The following GRIA3 variants were observed in gnomAD, a reference collection of about 807,000 sequenced individuals.
The protein encoded by GRIA3 is glutamate ionotropic receptor AMPA type subunit 3.
In GRIA3, 3 loss-of-function variants were observed where a neutral mutation model predicts 63.0. The observed-to-expected ratio is 0.05, with a 90% CI of 0.02 to 0.12. GRIA3 has a LOEUF of 0.12. Ranked by LOEUF, GRIA3 falls within the 10% of genes least tolerant of loss-of-function variation. GRIA3 has a pLI of 1.00. For synonymous variants in GRIA3, 274 were observed against 257.9 expected (o/e 1.06, Z -0.60); for missense variants, 347 against 700.9 (o/e 0.50, Z 5.70).
At chrX:123,442,106 T>C (rs137972674) in intron 12 of GRIA3, among the ~76,000 whole-genome samples, 170 of 112,286 alleles carry the variant, frequency 1.5e-3, no homozygotes, top group Non-Finnish European at 2.5e-3. Context: ...GGACAGGTAC[T>C]TGAAGGACAC....
At chrX:123,447,720 T>A (rs1046839315) in intron 12 of GRIA3, among the ~76,000 whole-genome samples, 9 of 112,153 alleles carry the variant, frequency 8.0e-5, no homozygotes, top group South Asian at 3.7e-4. Flanking sequence ...TTGGCTCAAG[T>A]CCCTGGTTAC....
In GRIA3 at chrX:123,471,672, T is replaced by C. The variant is rs149322654; in HGVS notation, c.2324+6560T>C. ...TTCCTTTCATTTGAAGAGAAGGTTA[T>C]ACACAATCTCTGAAAGGTAGGACAG... On this transcript the variant is annotated intron_variant, in intron 13 of 15. Coordinates refer to ENST00000620443, the MANE Select transcript of GRIA3 (RefSeq NM_007325.5). Among the ~76,000 whole-genome samples, 123 of 110,864 alleles carry C rather than the reference T, an allele frequency of 1.1e-3. 1 individual carries two copies. Among genetic ancestry groups the C allele is most frequent in the African/African-American group, 3.9e-3 (119 of 30,522 alleles).
chrX:123,220,471 G>T (rs534091245), intron 2 of GRIA3, among the ~76,000 whole-genome samples: 25 of 112,004 alleles, frequency 2.2e-4, no homozygotes, highest in African/African-American at 7.1e-4. Context: ...TTGTGATACA[G>T]GTAAATTATA....
intron 2 of GRIA3, among the ~76,000 whole-genome samples, chrX:123,225,222 T>C (rs2044240095): frequency 8.9e-6 from 1 of 111,976 alleles, no homozygotes; most frequent in Admixed American, 9.5e-5. Flanking sequence ...ACAATAGTGT[T>C]GCAAGTAAAT....
intron 2 of GRIA3, among the ~76,000 whole-genome samples, chrX:123,234,251 C>A (rs912486373): frequency 1.4e-4 from 16 of 111,146 alleles, no homozygotes; most frequent in African/African-American, 5.2e-4. Context: ...CTTAAGCAGG[C>A]CACAGAATTT....
At chrX:123,194,725 T>C (rs1238381826) in intron 2 of GRIA3, among the ~76,000 whole-genome samples, 2 of 112,372 alleles carry the variant, frequency 1.8e-5, no homozygotes, top group Non-Finnish European at 3.8e-5. Context: ...TACTAACGCA[T>C]ACTCAGTTTA....
intron 12 of GRIA3, among the ~76,000 whole-genome samples, chrX:123,449,917 C>G (rs894264385): frequency 3.6e-5 from 4 of 111,732 alleles, no homozygotes; most frequent in Non-Finnish European, 5.6e-5. Context: ...TGCCTGCCTG[C>G]CCCAAGACCT....
chrX:123,192,339 G>A (rs901008127), intron 2 of GRIA3, among the ~76,000 whole-genome samples: 3 of 111,620 alleles, frequency 2.7e-5, no homozygotes, highest in Non-Finnish European at 5.7e-5. Context: ...GAGAGGATAA[G>A]GGTGGGAGAG....
chrX:123,482,788 A>T lies in GRIA3; in HGVS notation c.2440-11A>T. On this transcript the variant is annotated splice_polypyrimidine_tract_variant and intron_variant, in intron 14 of 15. Coordinates refer to ENST00000620443, the MANE Select transcript of GRIA3 (RefSeq NM_007325.5). ...TCCCCAAGATCTAATCACGTTGTTC[A>T]TTTCTCTTAGGACAAGACCAGCGCT... 8.3e-7 allele frequency: 1 copy of T among 1,210,339 alleles called. No individual in the cohort carries two copies. The highest frequency in any genetic ancestry group is 1.7e-5 in the African/African-American group (1 of 57,797).
At chrX:123,236,936 A>G (rs1461250359) in intron 2 of GRIA3, among the ~76,000 whole-genome samples, 1 of 111,892 alleles carries the variant, frequency 8.9e-6, no homozygotes, top group Non-Finnish European at 1.9e-5. Flanking sequence ...ATTTACACAC[A>G]TGAGGCAAGC....
chrX:123,456,580 C>T (rs749917620), intron 12 of GRIA3, among the ~76,000 whole-genome samples: 2 of 110,670 alleles, frequency 1.8e-5, no homozygotes, highest in East Asian at 5.7e-4. Flanking sequence ...ACACCTTACC[C>T]CTCCCTTATA....
rs369617259 is a variant in GRIA3 at position 123,269,636 on chromosome X, G to A, written c.508+16094G>A. 3.5e-4 allele frequency among the ~76,000 whole-genome samples: 39 copies of A among 111,967 alleles called. 1 individual carries two copies. The East Asian group carries it at 9.3e-3, about 27-fold the overall frequency. On this transcript the variant is annotated intron_variant, in intron 3 of 15. Transcript: ENST00000620443. ...ACAACGTCTCTCAGACATCTCTGTG[G>A]TTTAGGCAAGTGTAGAAGGCCTCGG...
At chrX:123,405,343 G>A (rs756367368) in intron 10 of GRIA3, among the ~76,000 whole-genome samples, 4 of 110,949 alleles carry the variant, frequency 3.6e-5, no homozygotes, top group Non-Finnish European at 7.6e-5. Flanking sequence ...CTCAAATCTA[G>A]ACACACTCTT....
At chrX:123,234,356 T>A (rs2044291471) in intron 2 of GRIA3, among the ~76,000 whole-genome samples, 1 of 112,007 alleles carries the variant, frequency 8.9e-6, no homozygotes, top group East Asian at 2.8e-4. Flanking sequence ...CTTATGCCAC[T>A]CTCTAAAGCT....
In GRIA3 at chrX:123,237,591, C is replaced by T. The variant is rs1036253359; in HGVS notation, c.269-15712C>T. Among the ~76,000 whole-genome samples, 4 of 112,041 alleles carry T rather than the reference C, an allele frequency of 3.6e-5. No individual in the cohort carries two copies. In the Admixed American group the frequency reaches 3.8e-4, roughly 11 times the overall value. Reference sequence around the variant, plus strand: ...ACCATTGTTACCTGAAAATACAAAGCCTTTAATTTTGCGTGACATCACACA... The same window carrying T: ...ACCATTGTTACCTGAAAATACAAAGTCTTTAATTTTGCGTGACATCACACA... On this transcript the variant is annotated intron_variant, in intron 2 of 15. Coordinates refer to ENST00000620443, the MANE Select transcript of GRIA3 (RefSeq NM_007325.5).
At chrX:123,228,834 T>C (rs182071976) in intron 2 of GRIA3, among the ~76,000 whole-genome samples, 9 of 111,669 alleles carry the variant, frequency 8.1e-5, no homozygotes, top group African/African-American at 2.9e-4. Context: ...CAGAGACCTA[T>C]GAAAATCAGT....
In GRIA3 at chrX:123,184,616, C is replaced by A; in HGVS notation, c.81C>A (p.His27Gln). 8.3e-7 allele frequency: 1 copy of A among 1,200,688 alleles called. No individual in the cohort carries two copies. The highest frequency in any genetic ancestry group is 1.1e-6 in the Non-Finnish European group (1 of 886,179). The change falls in exon 1 of 16, where the codon CAC (histidine) becomes CAA (glutamine). Residue 27 changes from histidine to glutamine, a missense_variant. Coordinates refer to ENST00000620443, the MANE Select transcript of GRIA3 (RefSeq NM_007325.5). ...TCCTGGGGCTTTTGGGTCATTCTCA[C>A]GGAGGATTCCCCAACACCATCAGCA... Reference protein sequence around the residue: ...FLVLGLLGHSHGGFPNTISIG... With the variant: ...FLVLGLLGHSQGGFPNTISIG...
At chrX:123,361,403 G>A (rs973405773) in intron 5 of GRIA3, 1 of 111,751 alleles carries the variant, frequency 8.9e-6, no homozygotes, top group Non-Finnish European at 1.9e-5. Context: ...GGCTTTGCAG[G>A]CAAGGGAGGT....
intron 15 of GRIA3, among the ~76,000 whole-genome samples, chrX:123,483,946 G>A (rs34479804): frequency 1.6e-4 from 18 of 110,120 alleles, no homozygotes; most frequent in African/African-American, 5.3e-4. Context: ...AAAAAAATTA[G>A]GTACACAGGT....
Sources: gnomAD v4.1 joint callset for allele counts (sites outside exome capture counted in the v4.1 genomes callset) on GRCh38, gnomAD v4.1.1 for gene constraint, MANE v1.5 for transcripts, NCBI Gene and HGNC (gene_info 2026-07-23, HGNC 2026-07-21) for gene names.